The following MOSMO variants were observed in gnomAD, a reference collection of about 807,000 sequenced individuals.
MOSMO encodes the protein modulator of smoothened, also known as modulator of smoothened protein.
MOSMO carries 5 observed loss-of-function variants against 18.4 expected under a neutral mutation model. That is an observed-to-expected ratio of 0.27 (90% CI 0.14 to 0.57). MOSMO has a LOEUF of 0.57. Among genes scored for constraint, MOSMO ranks in the 20% least tolerant of loss-of-function variants. The probability of loss-of-function intolerance (pLI) is 0.92; values close to 1 mark genes in which losing one functional copy is unlikely to be tolerated. For synonymous variants in MOSMO, 82 were observed against 82.3 expected, an observed-to-expected ratio of 1.00 and a Z score of 0.02; for missense variants, 138 against 211.8, an observed-to-expected ratio of 0.65 and a Z score of 2.16.
At chr16:22,009,616 A>G (rs993952301) in intron 1 of MOSMO, among the ~76,000 whole-genome samples, 3 of 151,928 alleles carry the variant, frequency 2.0e-5, no homozygotes, top group African/African-American at 7.3e-5. Context: ...AGTGCAGGTG[A>G]AGGAACTTTT....
chr16:22,073,171 AT>A (rs1275610702), intron 1 of MOSMO, among the ~76,000 whole-genome samples: 1 of 152,154 alleles, frequency 6.6e-6, no homozygotes, highest in African/African-American at 2.4e-5. Flanking sequence ...ATACTCAAAT[AT>A]TTAGAAGGAA....
chr16:22,018,727 C>G (rs916903198), intron 1 of MOSMO, among the ~76,000 whole-genome samples: 4 of 152,100 alleles, frequency 2.6e-5, no homozygotes, highest in Admixed American at 2.0e-4. Flanking sequence ...TGTCTTACAT[C>G]TTGTGAGTAT....
intron 1 of MOSMO, among the ~76,000 whole-genome samples, chr16:22,066,396 A>G (rs1900749073): frequency 6.6e-6 from 1 of 152,172 alleles, no homozygotes; most frequent in African/African-American, 2.4e-5. Context: ...AGTCTTTGAA[A>G]AGCTCCAACT....
At chr16:22,089,623 AC>A (rs1212743454), downstream of MOSMO, among the ~76,000 whole-genome samples, 1 of 66,324 alleles carries the variant, frequency 1.5e-5, no homozygotes, top group Non-Finnish European at 3.0e-5. Context: ...ACCCCACCCC[AC>A]CCCCCGCCAC....
intron 1 of MOSMO, among the ~76,000 whole-genome samples, chr16:22,022,241 A>T (rs1899778935): frequency 6.6e-6 from 1 of 151,738 alleles, no homozygotes; most frequent in South Asian, 2.1e-4. Context: ...GCTGGTTTCA[A>T]ACTCCTCCTG....
At position 22,082,900 on chromosome 16, in the gene MOSMO, T is replaced by C. The variant is rs2141790859; in HGVS notation, c.*2020T>C. ...ACCTTTGGGAGATCCTGAGGGAGACTGTTTCTCCCCAAGTATGATGATGTC... is the reference window on the plus strand; with the variant it reads ...ACCTTTGGGAGATCCTGAGGGAGACCGTTTCTCCCCAAGTATGATGATGTC... On this transcript the variant is annotated 3_prime_UTR_variant, in exon 3 of 3. Transcript: ENST00000542527. The C allele has an allele frequency of 6.6e-6, 1 of 152,280 alleles. No homozygotes were observed. The highest frequency in any genetic ancestry group is 2.1e-4 in the South Asian group (1 of 4,822). The allele number at this position is 152,280 out of a possible 1,614,324, so 9.4% of individuals were successfully genotyped here.
At chr16:22,058,770 G>A (rs1444553378) in intron 1 of MOSMO, among the ~76,000 whole-genome samples, 1 of 152,208 alleles carries the variant, frequency 6.6e-6, no homozygotes, top group East Asian at 1.9e-4. Flanking sequence ...AGGCATCCAA[G>A]TGGAAATATT....
chr16:22,020,747 C>T (rs903339563), intron 1 of MOSMO, among the ~76,000 whole-genome samples: 1 of 152,162 alleles, frequency 6.6e-6, no homozygotes, highest in Non-Finnish European at 1.5e-5. Context: ...GAAAGCAATA[C>T]AGTTGCTTTA....
intron 1 of MOSMO, among the ~76,000 whole-genome samples, chr16:22,035,095 A>G (rs1900081095): frequency 6.6e-6 from 1 of 152,024 alleles, no homozygotes; most frequent in African/African-American, 2.4e-5. Context: ...CTTTGATCAT[A>G]CAGGAGTCCT....
intron 1 of MOSMO, among the ~76,000 whole-genome samples, chr16:22,026,026 C>G (rs1358749147): frequency 6.6e-6 from 1 of 151,986 alleles, no homozygotes; most frequent in Non-Finnish European, 1.5e-5. Context: ...ATCTGCTTTC[C>G]TAAGGGGTAT....
chr16:22,073,451 G>T (rs1029060220), intron 1 of MOSMO, among the ~76,000 whole-genome samples: 1 of 151,948 alleles, frequency 6.6e-6, no homozygotes, highest in African/African-American at 2.4e-5. Flanking sequence ...TGATCAGGAG[G>T]AGTTTCCTGT....
At chr16:22,022,340 C>T (rs1005962633) in intron 1 of MOSMO, among the ~76,000 whole-genome samples, 3 of 152,142 alleles carry the variant, frequency 2.0e-5, no homozygotes, top group African/African-American at 7.2e-5. Context: ...ATCACTTTCA[C>T]GATGTACATT....
At chr16:22,016,359 A>C (rs577657933) in intron 1 of MOSMO, among the ~76,000 whole-genome samples, 155 of 152,328 alleles carry the variant, frequency 1.0e-3, no homozygotes, top group African/African-American at 3.4e-3. Context: ...ATTACATAAA[A>C]GCTCAAAACA....
intron 1 of MOSMO, among the ~76,000 whole-genome samples, chr16:22,013,280 C>T (rs1899570364): frequency 6.6e-6 from 1 of 152,142 alleles, no homozygotes; most frequent in Non-Finnish European, 1.5e-5. Flanking sequence ...AGTTTCAGTG[C>T]TGCAAAGATT....
intron 1 of MOSMO, 22 bp from the exon 2 acceptor site, chr16:22,075,465 C>A: frequency 7.9e-7 from 1 of 1,262,844 alleles, no homozygotes; most frequent in Non-Finnish European, 1.0e-6. Flanking sequence ...CTAAAGTATT[C>A]CCACCATTTG....
chr16:22,046,026 C>G, intron 1 of MOSMO, among the ~76,000 whole-genome samples: 1 of 124,050 alleles, frequency 8.1e-6, no homozygotes, highest in South Asian at 3.2e-4. Context: ...ATCTCTCCCC[C>G]CTCCCCCCAC....
chr16:22,034,813 A>G (rs72784928), intron 1 of MOSMO, among the ~76,000 whole-genome samples: 10,822 of 129,740 alleles, frequency 0.083, 549 homozygotes, highest in Non-Finnish European at 0.11. Context: ...GGCGGAGTAC[A>G]GTGGTTGCCC....
At chr16:22,045,888 T>G (rs1900297939) in intron 1 of MOSMO, among the ~76,000 whole-genome samples, 1 of 152,204 alleles carries the variant, frequency 6.6e-6, no homozygotes, top group South Asian at 2.1e-4. Flanking sequence ...CTCTTTTTTT[T>G]TTTTATACTT....
intron 1 of MOSMO, among the ~76,000 whole-genome samples, chr16:22,074,139 T>C (rs1285340291): frequency 6.6e-6 from 1 of 152,212 alleles, no homozygotes; most frequent in Non-Finnish European, 1.5e-5. Flanking sequence ...AGTCCAGCCC[T>C]GCTCTGTCTT....
Sources: gnomAD v4.1 joint callset for allele counts (sites outside exome capture counted in the v4.1 genomes callset) on GRCh38, gnomAD v4.1.1 for gene constraint, MANE v1.5 for transcripts, NCBI Gene and HGNC (gene_info 2026-07-23, HGNC 2026-07-21) for gene names.